The following HLF variants were observed in gnomAD, a reference collection of about 807,000 sequenced individuals.
HLF encodes HLF transcription factor, PAR bZIP family member.
HLF carries 3 observed loss-of-function variants against 22.6 expected under a neutral mutation model. The observed-to-expected ratio is 0.13, with a 90% CI of 0.06 to 0.34. The LOEUF (loss-of-function observed/expected upper bound fraction) is 0.34, where lower values mean the gene tolerates loss of function less well. Ranked by LOEUF, HLF falls within the 10% of genes least tolerant of loss-of-function variation. HLF has a pLI of 1.00. For synonymous variants in HLF, 151 were observed against 151.8 expected, an observed-to-expected ratio of 0.99 and a Z score of 0.04; for missense variants, 299 against 389.2, an observed-to-expected ratio of 0.77 and a Z score of 1.95.
chr17:55,302,993 T>C (rs557587276), intron 2 of HLF, among the ~76,000 whole-genome samples: 3 of 152,182 alleles, frequency 2.0e-5, no homozygotes, highest in Non-Finnish European at 4.4e-5. Flanking sequence ...GAGGGCAGAA[T>C]GAGGCTATAG....
intron 2 of HLF, among the ~76,000 whole-genome samples, chr17:55,285,145 T>G (rs1261902716): frequency 6.6e-6 from 1 of 152,178 alleles, no homozygotes; most frequent in Non-Finnish European, 1.5e-5. Flanking sequence ...TGGGTCCCTG[T>G]GGGGTGAGAG....
At chr17:55,311,723 G>T (rs1904839851) in intron 2 of HLF, among the ~76,000 whole-genome samples, 1 of 152,128 alleles carries the variant, frequency 6.6e-6, no homozygotes, top group Non-Finnish European at 1.5e-5. Flanking sequence ...TTTGTTACAT[G>T]AATATACTAC....
intron 3 of HLF, among the ~76,000 whole-genome samples, chr17:55,318,505 C>T (rs1333783931): frequency 4.6e-5 from 7 of 152,134 alleles, no homozygotes; most frequent in Admixed American, 3.3e-4. Flanking sequence ...GCTGGTGACT[C>T]CCTGGTCATT....
At chr17:55,296,226 T>C (rs1486089266) in intron 2 of HLF, among the ~76,000 whole-genome samples, 2 of 152,240 alleles carry the variant, frequency 1.3e-5, no homozygotes, top group Admixed American at 6.5e-5. Context: ...CCACAGGGGC[T>C]GTTTCCTCTG....
chr17:55,313,926 G>A (rs919084947), intron 2 of HLF, among the ~76,000 whole-genome samples: 21 of 152,212 alleles, frequency 1.4e-4, no homozygotes, highest in African/African-American at 3.9e-4. Flanking sequence ...AGATGATCAC[G>A]GTTTCACAGT....
At chr17:55,307,438 G>A (rs1282885658) in intron 2 of HLF, among the ~76,000 whole-genome samples, 1 of 151,940 alleles carries the variant, frequency 6.6e-6, no homozygotes, top group Non-Finnish European at 1.5e-5. Context: ...CAAAGTGCTG[G>A]CATTACAAGC....
intron 2 of HLF, among the ~76,000 whole-genome samples, chr17:55,301,592 G>A (rs1402055507): frequency 6.6e-6 from 1 of 152,234 alleles, no homozygotes; most frequent in Non-Finnish European, 1.5e-5. Flanking sequence ...TAGAAGTGGC[G>A]AAGACGCAAA....
At position 55,309,270 on chromosome 17, in the gene HLF, G is replaced by A. The variant is rs149929263; in HGVS notation, c.452-5957G>A. On this transcript the variant is annotated intron_variant, in intron 2 of 3. Coordinates refer to ENST00000226067, the MANE Select transcript of HLF (RefSeq NM_002126.5). ...GACCAGCTAATATGGCCTGAGTCCCGAAAGCCCATATCCTTAGGCTGTATT... is the reference window on the plus strand; with the variant it reads ...GACCAGCTAATATGGCCTGAGTCCCAAAAGCCCATATCCTTAGGCTGTATT... Among the ~76,000 whole-genome samples the A allele has an allele frequency of 6.6e-5, 10 of 152,308 alleles. No homozygotes were observed. In the East Asian group the frequency reaches 1.3e-3, roughly 21 times the overall value.
At chr17:55,269,516 C>G (rs2080832425) in intron 2 of HLF, among the ~76,000 whole-genome samples, 1 of 152,188 alleles carries the variant, frequency 6.6e-6, no homozygotes, top group Non-Finnish European at 1.5e-5. Context: ...ACAGTTATGC[C>G]TCGGTCATTG....
chr17:55,288,963 T>C, intron 2 of HLF: 1 of 984,606 alleles, frequency 1.0e-6, no homozygotes, highest in Middle Eastern at 5.2e-4. Flanking sequence ...CCACAGGTTC[T>C]TAATTGGGAT....
chr17:55,321,137 A>G lies in HLF; in HGVS notation c.*258A>G, dbSNP rs145474366. 22 of 440,440 alleles carry G rather than the reference A, an allele frequency of 5.0e-5. No homozygotes were observed. The East Asian group carries it at 8.5e-4, about 17-fold the overall frequency. The allele number at this position is 440,440 out of a possible 1,614,324, so 27.3% of individuals were successfully genotyped here. A position where few individuals can be genotyped will look rare whatever the true frequency, so the allele number is the denominator to read the frequency against. ...AGCCCTCTCATCGTCTTTTAGTTCC[A>G]ACAAAGAAAGGTGCCATGTCTTTAC... is the stretch of plus-strand genomic sequence containing the variant. On this transcript the variant is annotated 3_prime_UTR_variant, in exon 4 of 4. Transcript: ENST00000226067.
At chr17:55,303,148 G>A (rs1904379624) in intron 2 of HLF, among the ~76,000 whole-genome samples, 1 of 152,176 alleles carries the variant, frequency 6.6e-6, no homozygotes, top group Non-Finnish European at 1.5e-5. Flanking sequence ...ATATGAGAAG[G>A]GGCTGAGGTG....
intron 2 of HLF, among the ~76,000 whole-genome samples, chr17:55,301,481 T>C (rs760729252): frequency 1.3e-5 from 2 of 152,212 alleles, no homozygotes; most frequent in African/African-American, 4.8e-5. Flanking sequence ...AAATTATCAG[T>C]ATAGACATTG....
At chr17:55,287,077 G>C (rs143832364) in intron 2 of HLF, among the ~76,000 whole-genome samples, 94 of 152,134 alleles carry the variant, frequency 6.2e-4, no homozygotes, top group African/African-American at 2.0e-3. Context: ...GCTCAATCAG[G>C]GGGGAGGCAG....
chr17:55,273,755 CTTTT>C (rs11319874), intron 2 of HLF: 5 of 140,480 alleles, frequency 3.6e-5, no homozygotes, highest in Non-Finnish European at 4.6e-5. Flanking sequence ...TGCTGGCTTG[CTTTT>C]TTTTTTTTTT....
At chr17:55,266,902 AC>A in intron 1 of HLF, 1 of 593,388 alleles carries the variant, frequency 1.7e-6, no homozygotes, top group Non-Finnish European at 2.1e-6. Context: ...AGAATAACTC[AC>A]CTTTTCCAAT....
At chr17:55,282,149 G>C (rs1423662174) in intron 2 of HLF, among the ~76,000 whole-genome samples, 1 of 152,206 alleles carries the variant, frequency 6.6e-6, no homozygotes, top group African/African-American at 2.4e-5. Context: ...ATGTGGGACT[G>C]TGCCTACTCG....
In HLF at chr17:55,320,794, G is replaced by A. The variant is rs1287557489; in HGVS notation, c.803G>A (p.Arg268His). Reference sequence around the variant, plus strand: ...CTGGAGAAGGAGAACTCGGCCCTCCGCCAGGAGGTGGCTGACTTGAGGAAG... The same window carrying A: ...CTGGAGAAGGAGAACTCGGCCCTCCACCAGGAGGTGGCTGACTTGAGGAAG... ...SFLEKENSAL[R>H]QEVADLRKEL... is the part of the protein sequence containing the mutation. Residue 268 changes from arginine to histidine, a missense_variant, in exon 4 of 4, where the codon CGC becomes CAC. Coordinates refer to ENST00000226067, the MANE Select transcript of HLF (RefSeq NM_002126.5). The surrounding 1 kb of genome is among the most constrained non-coding windows in gnomAD (Gnocchi z 4.2). The A allele has an allele frequency of 1.9e-6, 3 of 1,613,640 alleles. No homozygotes were observed. The highest frequency in any genetic ancestry group is 2.5e-6 in the Non-Finnish European group (3 of 1,179,890).
chr17:55,302,102 C>A (rs555187436), intron 2 of HLF, among the ~76,000 whole-genome samples: 33 of 152,270 alleles, frequency 2.2e-4, no homozygotes, highest in Admixed American at 3.9e-4. Context: ...AAGTTTAAAG[C>A]CTGGAAGAAT....
Sources: gnomAD v4.1 joint callset for allele counts (sites outside exome capture counted in the v4.1 genomes callset) on GRCh38, gnomAD v4.1.1 for gene constraint, Gnocchi (gnomAD v3.1) non-coding constraint, MANE v1.5 for transcripts, NCBI Gene and HGNC (gene_info 2026-07-23, HGNC 2026-07-21) for gene names.